SH3PXD2B: variants seen among roughly 807,000 people sequenced by gnomAD.
SH3PXD2B encodes SH3 and PX domains 2B.
Under a neutral mutation model 73.1 loss-of-function variants are expected in SH3PXD2B, and 37 were observed. The observed-to-expected ratio is 0.51, with a 90% CI of 0.39 to 0.67. The LOEUF (loss-of-function observed/expected upper bound fraction) is 0.67. SH3PXD2B is among the 30% of genes least tolerant of loss of function. SH3PXD2B has a pLI of 0.00. For synonymous variants in SH3PXD2B, 457 were observed against 480.5 expected, an observed-to-expected ratio of 0.95 and a Z score of 0.64; for missense variants, 1,053 against 1,197.8, an observed-to-expected ratio of 0.88 and a Z score of 1.78.
chr5:172,353,472 AC>A lies in SH3PXD2B; in HGVS notation c.785+415del, dbSNP rs1482741761. ...TGCTTTTACCATTGGACTTTGAGAG[AC>A]GAGGGCAGATTATCAGCCTAGGACG... On this transcript the variant is annotated intron_variant, in intron 9 of 12. Coordinates refer to ENST00000311601, the MANE Select transcript of SH3PXD2B (RefSeq NM_001017995.3). This position sits in a 1 kb window ranked among gnomAD's most constrained non-coding sequence, Gnocchi z 4.3. Among the ~76,000 whole-genome samples, 1 of 152,170 alleles carries A rather than the reference AC, an allele frequency of 6.6e-6. No homozygotes were observed. Among genetic ancestry groups the A allele is most frequent in the African/African-American group, 2.4e-5 (1 of 41,436 alleles).
intron 1 of SH3PXD2B, among the ~76,000 whole-genome samples, chr5:172,434,924 C>T (rs1001915925): frequency 2.0e-5 from 3 of 152,018 alleles, no homozygotes; most frequent in African/African-American, 7.3e-5. Flanking sequence ...GCTGGGATTA[C>T]AGGCATGCAC....
rs1757609888 is a variant in SH3PXD2B, at chr5:172,368,588, A to AT, written c.427+5201_427+5202insA. On this transcript the variant is annotated intron_variant, in intron 6 of 12. Transcript: ENST00000311601. The stretch of plus-strand genomic sequence containing the variant: ...TATAAAATATGTTATATATATATAT[A>AT]AAATATGTTATATATATAATATATA... Among the ~76,000 whole-genome samples the AT allele has an allele frequency of 9.0e-4, 11 of 12,158 alleles. 2 individuals carry two copies. Among genetic ancestry groups the AT allele is most frequent in the African/African-American group, 7.2e-3 (11 of 1,522 alleles). 8.0% of individuals were successfully genotyped at this position (12,158 alleles called of 152,430 possible).
At chr5:172,432,909 CTG>C (rs1759281380) in intron 1 of SH3PXD2B, among the ~76,000 whole-genome samples, 2 of 80,660 alleles carry the variant, frequency 2.5e-5, no homozygotes, top group African/African-American at 1.2e-4. Context: ...GAAACTCTGT[CTG>C]TCTCAAAAAA....
At chr5:172,446,515 G>C (rs1759664983) in intron 1 of SH3PXD2B, among the ~76,000 whole-genome samples, 1 of 152,188 alleles carries the variant, frequency 6.6e-6, no homozygotes, top group East Asian at 1.9e-4. Flanking sequence ...CGCTACCACA[G>C]CTCTTTCTCC....
chr5:172,423,056 G>C (rs1759008720), intron 1 of SH3PXD2B, among the ~76,000 whole-genome samples: 1 of 149,336 alleles, frequency 6.7e-6, no homozygotes, highest in African/African-American at 2.6e-5. Context: ...TAGATGTGAG[G>C]TGCTGATGAA....
At chr5:172,365,936 C>A (rs1757510055) in intron 6 of SH3PXD2B, among the ~76,000 whole-genome samples, 1 of 152,184 alleles carries the variant, frequency 6.6e-6, no homozygotes, top group South Asian at 2.1e-4. Context: ...CCCAGGATTG[C>A]AGTTTCCCTT....
In SH3PXD2B at chr5:172,337,737, T is replaced by A; in HGVS notation, c.*632A>T. 1.0e-6 allele frequency: 1 copy of A among 993,454 alleles called. No individual in the cohort carries two copies. Among genetic ancestry groups the A allele is most frequent in the South Asian group, 4.5e-5 (1 of 22,044 alleles). The allele number at this position is 993,454 out of a possible 1,614,324, so 61.5% of individuals were successfully genotyped here. A position where few individuals can be genotyped will look rare whatever the true frequency, so the allele number is the denominator to read the frequency against. On this transcript the variant is annotated 3_prime_UTR_variant, in exon 13 of 13. Transcript: ENST00000311601. The stretch of plus-strand genomic sequence containing the variant: ...GATAGAAGGTGGGAGGCAGGGCGGC[T>A]GAGCGGATCTCCAGGCCCACTCCTG...
intron 12 of SH3PXD2B, among the ~76,000 whole-genome samples, 184 bp from the exon 13 acceptor site, chr5:172,340,100 G>C (rs753331334): frequency 1.2e-4 from 19 of 152,208 alleles, no homozygotes; most frequent in Non-Finnish European, 2.4e-4. Context: ...TATCTTACAT[G>C]GGGGGAGAGT....
In SH3PXD2B at chr5:172,335,613, G is replaced by C. The variant is rs1367620610; in HGVS notation, c.*2756C>G. The C allele has an allele frequency of 8.1e-7, 1 of 1,231,736 alleles. No individual in the cohort carries two copies. Among genetic ancestry groups the C allele is most frequent in the Non-Finnish European group, 1.0e-6 (1 of 988,068 alleles). 76.3% of individuals were successfully genotyped at this position (1,231,736 alleles called of 1,614,324 possible). On this transcript the variant is annotated 3_prime_UTR_variant, in exon 13 of 13. Coordinates refer to ENST00000311601, the MANE Select transcript of SH3PXD2B (RefSeq NM_001017995.3). ...GGCACTGGTCACCAGCCCGGTGCTTGGCACCATTGTCACGATGGGCCTGGA... is the reference window on the plus strand; with the variant it reads ...GGCACTGGTCACCAGCCCGGTGCTTCGCACCATTGTCACGATGGGCCTGGA...
intron 7 of SH3PXD2B, 120 bp from the exon 8 acceptor site, chr5:172,358,997 A>G: frequency 1.1e-6 from 1 of 941,736 alleles, no homozygotes; most frequent in Non-Finnish European, 1.7e-6. Context: ...TAAAGTTACC[A>G]TTTTATTGGT....
At chr5:172,342,531 C>T (rs555767979) in intron 12 of SH3PXD2B, among the ~76,000 whole-genome samples, 2 of 152,246 alleles carry the variant, frequency 1.3e-5, no homozygotes, top group African/African-American at 2.4e-5. Context: ...GAGGCCAAGG[C>T]GGGCGGATCA....
intron 8 of SH3PXD2B, among the ~76,000 whole-genome samples, chr5:172,354,826 G>A (rs572035823): frequency 2.0e-5 from 3 of 152,210 alleles, no homozygotes; most frequent in African/African-American, 7.2e-5. Flanking sequence ...CACTCTCTGC[G>A]GTCCCCCGAC....
At chr5:172,441,880 A>C (rs1759557898) in intron 1 of SH3PXD2B, among the ~76,000 whole-genome samples, 1 of 152,024 alleles carries the variant, frequency 6.6e-6, no homozygotes, top group African/African-American at 2.4e-5. Context: ...GTGGTTTCTG[A>C]AGGCCAGATT....
intron 6 of SH3PXD2B, among the ~76,000 whole-genome samples, chr5:172,368,615 G>A (rs1235255866): frequency 7.2e-4 from 10 of 13,814 alleles, no homozygotes; most frequent in African/African-American, 2.0e-3. Flanking sequence ...TAATATATAT[G>A]TTATATATAT....
intron 2 of SH3PXD2B, among the ~76,000 whole-genome samples, chr5:172,414,197 A>C (rs915704823): frequency 6.6e-6 from 1 of 152,152 alleles, no homozygotes; most frequent in Non-Finnish European, 1.5e-5. Flanking sequence ...GGCCGGGCGC[A>C]GTGGCTCACG....
chr5:172,424,690 C>G (rs753215682), intron 1 of SH3PXD2B, among the ~76,000 whole-genome samples: 29 of 152,152 alleles, frequency 1.9e-4, no homozygotes, highest in Admixed American at 1.2e-3. Context: ...GATTATATTT[C>G]AAAACATGGC....
intron 1 of SH3PXD2B, among the ~76,000 whole-genome samples, 183 bp downstream of exon 1, chr5:172,454,095 G>A (rs1312101996): frequency 6.7e-6 from 1 of 150,320 alleles, no homozygotes; most frequent in African/African-American, 2.5e-5. Context: ...AAAGCGGGGA[G>A]GGGAGGGGAG....
intron 4 of SH3PXD2B, 51 bp from the exon 5 acceptor site, chr5:172,382,178 T>C (rs182811357): frequency 2.1e-6 from 3 of 1,441,392 alleles, no homozygotes; most frequent in African/African-American, 2.8e-5. Flanking sequence ...GGGCTGAGCA[T>C]GGTGGCACGC....
At chr5:172,340,815 G>C (rs1336883981) in intron 12 of SH3PXD2B, among the ~76,000 whole-genome samples, 2 of 152,120 alleles carry the variant, frequency 1.3e-5, no homozygotes, top group Non-Finnish European at 2.9e-5. Context: ...GGCTGATCTC[G>C]AACTCCTGGT....
Sources: allele counts gnomAD v4.1 joint callset (sites outside exome capture counted in the v4.1 genomes callset), GRCh38; gene constraint gnomAD v4.1.1; non-coding constraint Gnocchi (gnomAD v3.1); transcripts MANE v1.5; gene names NCBI Gene and HGNC (gene_info 2026-07-23, HGNC 2026-07-21).